SORCS3: variants seen among roughly 807,000 people sequenced by gnomAD.
SORCS3 encodes the protein VPS10 domain-containing receptor SorCS3.
In SORCS3, 57 loss-of-function variants were observed where a neutral mutation model predicts 146.3. The observed-to-expected ratio is 0.39, with a 90% CI of 0.31 to 0.49. SORCS3 has a LOEUF of 0.49. SORCS3 is among the 20% of genes least tolerant of loss of function. The pLI, the probability that SORCS3 is intolerant of heterozygous loss-of-function variation, is 0.92. For synonymous variants in SORCS3, 653 were observed against 618.5 expected (o/e 1.06, Z -0.83); for missense variants, 1,341 against 1,575.5 (o/e 0.85, Z 2.52).
intron 2 of SORCS3, among the ~76,000 whole-genome samples, chr10:104,913,767 T>G (rs2018994617): frequency 2.2e-5 from 1 of 45,622 alleles, no homozygotes; most frequent in African/African-American, 5.1e-4. Flanking sequence ...ATCCCCATTC[T>G]TTTTTTTTTT....
chr10:105,084,982 G>C (rs1311390484), intron 5 of SORCS3, among the ~76,000 whole-genome samples: 1 of 151,918 alleles, frequency 6.6e-6, no homozygotes, highest in Non-Finnish European at 1.5e-5. Flanking sequence ...CGCCCGACTC[G>C]GCCTCCCAAA....
At chr10:104,702,814 CCACTTAATCT>C (rs2016296424) in intron 1 of SORCS3, among the ~76,000 whole-genome samples, 1 of 152,116 alleles carries the variant, frequency 6.6e-6, no homozygotes, top group African/African-American at 2.4e-5. Flanking sequence ...CCTGAGCAAA[CCACTTAATCT>C]CACTGAGTCT....
chr10:105,147,057 A>G (rs756040106), intron 8 of SORCS3, among the ~76,000 whole-genome samples: 16 of 150,340 alleles, frequency 1.1e-4, no homozygotes, highest in Non-Finnish European at 2.4e-4. Context: ...CTCCTAAAAT[A>G]TTACACAGAA....
At chr10:104,905,142 C>T (rs1484332695) in intron 2 of SORCS3, among the ~76,000 whole-genome samples, 1 of 152,134 alleles carries the variant, frequency 6.6e-6, no homozygotes, top group African/African-American at 2.4e-5. Context: ...ATGTAGGATC[C>T]AATAGGCAAT....
At chr10:104,746,139 T>TC (rs2016906303) in intron 1 of SORCS3, among the ~76,000 whole-genome samples, 1 of 140,168 alleles carries the variant, frequency 7.1e-6, no homozygotes, top group Admixed American at 7.2e-5. Flanking sequence ...AACTGTTTTC[T>TC]TTTTTTTTTT....
chr10:105,149,194 G>A (rs867751487), intron 9 of SORCS3, among the ~76,000 whole-genome samples: 18 of 152,286 alleles, frequency 1.2e-4, no homozygotes, highest in Middle Eastern at 3.4e-3. Context: ...TGTGAGAATG[G>A]ACTAATACAC....
intron 12 of SORCS3, among the ~76,000 whole-genome samples, chr10:105,166,336 C>A (rs1051105204): frequency 1.3e-5 from 2 of 152,150 alleles, no homozygotes; most frequent in African/African-American, 2.4e-5. Flanking sequence ...GCTGCATGAA[C>A]CACCATCAGT....
intron 4 of SORCS3, among the ~76,000 whole-genome samples, chr10:105,040,352 G>A (rs1194190630): frequency 6.6e-6 from 1 of 152,112 alleles, no homozygotes; most frequent in African/African-American, 2.4e-5. Flanking sequence ...GACAAACAGT[G>A]TCCACCGCTT....
At chr10:104,724,010 C>A (rs1327668952) in intron 1 of SORCS3, among the ~76,000 whole-genome samples, 1 of 152,174 alleles carries the variant, frequency 6.6e-6, no homozygotes, top group African/African-American at 2.4e-5. Context: ...GAATTTGATC[C>A]TGTCATTATG....
At chr10:105,210,017 A>G (rs528002573) in intron 16 of SORCS3, among the ~76,000 whole-genome samples, 1 of 152,120 alleles carries the variant, frequency 6.6e-6, no homozygotes, top group Admixed American at 6.6e-5. Context: ...TTTTATTATT[A>G]TTATTATTTT....
chr10:105,141,541 A>G (rs1438934907), intron 8 of SORCS3, among the ~76,000 whole-genome samples: 1 of 152,194 alleles, frequency 6.6e-6, no homozygotes, highest in Non-Finnish European at 1.5e-5. Flanking sequence ...AAAGCTCCCT[A>G]TCATCATTGC....
intron 17 of SORCS3, 33 bp from the exon 18 acceptor site, chr10:105,214,409 C>T (rs202061048): frequency 2.7e-4 from 434 of 1,611,476 alleles, no homozygotes; most frequent in Non-Finnish European, 3.5e-4. Context: ...ACACAATCAA[C>T]ACAAACCACT....
intron 1 of SORCS3, among the ~76,000 whole-genome samples, chr10:104,717,540 CT>C (rs1488513013): frequency 6.6e-6 from 1 of 152,050 alleles, no homozygotes; most frequent in African/African-American, 2.4e-5. Context: ...GGGTCCTTCT[CT>C]TTTTCCCTTT....
intron 7 of SORCS3, among the ~76,000 whole-genome samples, chr10:105,105,804 C>CT (rs112755302): frequency 3.9e-5 from 6 of 152,162 alleles, no homozygotes; most frequent in African/African-American, 1.4e-4. Flanking sequence ...TGGGATTTGA[C>CT]TTTAAGTAAT....
chr10:104,830,910 C>T (rs1033877159), intron 1 of SORCS3, among the ~76,000 whole-genome samples: 1 of 152,132 alleles, frequency 6.6e-6, no homozygotes, highest in South Asian at 2.1e-4. Context: ...CTCCTGGGCT[C>T]AAGTGTTCCT....
intron 25 of SORCS3, 143 bp from the exon 26 acceptor site, chr10:105,262,188 G>A (rs2056964683): frequency 2.8e-6 from 2 of 716,138 alleles, no homozygotes; most frequent in Admixed American, 2.5e-5. Flanking sequence ...TAGCCTCATT[G>A]TCTCTGGGGT....
chr10:104,838,265 G>A (rs564467491), intron 1 of SORCS3, among the ~76,000 whole-genome samples: 12 of 152,082 alleles, frequency 7.9e-5, no homozygotes, highest in African/African-American at 2.4e-4. Flanking sequence ...CTGGGTTTCC[G>A]GAGCCACACT....
At chr10:104,672,348 G>A (rs2015864996) in intron 1 of SORCS3, among the ~76,000 whole-genome samples, 1 of 151,920 alleles carries the variant, frequency 6.6e-6, no homozygotes, top group Non-Finnish European at 1.5e-5. Context: ...AGTGATTTGA[G>A]TCTTCTCTCT....
chr10:104,699,362 A>C lies in SORCS3; in HGVS notation c.627+57408A>C, dbSNP rs527676703. 2.0e-5 allele frequency among the ~76,000 whole-genome samples: 3 copies of C among 152,224 alleles called. No homozygotes were observed. In the East Asian group the frequency reaches 5.8e-4, roughly 29 times the overall value. The stretch of plus-strand genomic sequence containing the variant: ...GAGTCTCCTTAAGAATATAAAACTG[A>C]CCCTAAATATGAATCAGTATTTTAC... On this transcript the variant is annotated intron_variant, in intron 1 of 26. Transcript: ENST00000369701.
Sources: allele counts gnomAD v4.1 joint callset (sites outside exome capture counted in the v4.1 genomes callset), GRCh38; gene constraint gnomAD v4.1.1; transcripts MANE v1.5; gene names NCBI Gene and HGNC (gene_info 2026-07-23, HGNC 2026-07-21).